HPSE2: variants seen among roughly 807,000 people sequenced by gnomAD.
The protein encoded by HPSE2 is inactive heparanase-2.
Under a neutral mutation model 60.5 loss-of-function variants are expected in HPSE2, and 38 were observed. That is an observed-to-expected ratio of 0.63 (90% CI 0.48 to 0.82). The LOEUF (loss-of-function observed/expected upper bound fraction) is 0.82, where lower values mean the gene tolerates loss of function less well. HPSE2 is among the 40% of genes least tolerant of loss of function. The pLI is 0.00. For missense variants in HPSE2, 713 were observed against 740.4 expected (o/e 0.96, Z 0.43); for synonymous variants, 295 against 293.2 (o/e 1.01, Z -0.06).
Position 99,151,261 on chromosome 10 carries a change from G to A in HPSE2, c.449-6862C>T, listed in dbSNP as rs139637317. 3.2e-4 allele frequency among the ~76,000 whole-genome samples: 48 copies of A among 150,722 alleles called. 1 individual carries two copies. The East Asian group carries it at 4.5e-3, about 14-fold the overall frequency. ...AGCCATGCAAAAAAAAAAAATCAGA[G>A]AACTTAAAGATAGGTGAATAGAAAT... On this transcript the variant is annotated intron_variant, in intron 2 of 11. Transcript: ENST00000370552.
chr10:98,467,841 T>C (rs1293373887), intron 11 of HPSE2, among the ~76,000 whole-genome samples: 1 of 152,246 alleles, frequency 6.6e-6, no homozygotes, highest in East Asian at 1.9e-4. Flanking sequence ...ACCTGGAATG[T>C]GGCCTAATAT....
At chr10:98,744,598 G>C (rs1431086587) in intron 3 of HPSE2, among the ~76,000 whole-genome samples, 1 of 151,926 alleles carries the variant, frequency 6.6e-6, no homozygotes, top group Admixed American at 6.6e-5. Context: ...CCAGACAGAG[G>C]TTGCAAATTG....
At chr10:98,960,160 G>C (rs751690729) in intron 3 of HPSE2, among the ~76,000 whole-genome samples, 3 of 152,086 alleles carry the variant, frequency 2.0e-5, no homozygotes, top group Non-Finnish European at 4.4e-5. Flanking sequence ...TCACATAGGA[G>C]AAAGTTATTC....
chr10:99,305,979 G>GCACA, the HPSE2 span, among the ~76,000 whole-genome samples: 370 of 80,580 alleles, frequency 4.6e-3, 7 homozygotes, highest in East Asian at 0.02. Context: ...GCGCGCGCGC[G>GCACA]CACACACACA....
intron 5 of HPSE2, among the ~76,000 whole-genome samples, chr10:98,709,828 C>T (rs994438962): frequency 3.3e-5 from 5 of 152,126 alleles, no homozygotes; most frequent in Admixed American, 2.6e-4. Flanking sequence ...TACTCATGGT[C>T]TTTGGGGTTT....
At chr10:99,284,386 A>G in the HPSE2 span, among the ~76,000 whole-genome samples, 36 of 152,280 alleles carry the variant, frequency 2.4e-4, no homozygotes, top group African/African-American at 7.2e-4. Context: ...CCTCACAGTG[A>G]TAAAGGCCAT....
At chr10:99,297,363 C>T in the HPSE2 span, among the ~76,000 whole-genome samples, 11 of 152,310 alleles carry the variant, frequency 7.2e-5, no homozygotes, top group Non-Finnish European at 1.3e-4. Context: ...CAGTCAGCGC[C>T]GTTTCCACTC....
At chr10:98,513,391 A>G (rs1446016399) in intron 9 of HPSE2, among the ~76,000 whole-genome samples, 1 of 152,210 alleles carries the variant, frequency 6.6e-6, no homozygotes, top group Non-Finnish European at 1.5e-5. Flanking sequence ...ATTTAACCCA[A>G]TACAATGGGG....
intron 2 of HPSE2, among the ~76,000 whole-genome samples, chr10:99,200,071 A>T (rs966747041): frequency 3.3e-5 from 5 of 152,072 alleles, no homozygotes; most frequent in Non-Finnish European, 5.9e-5. Flanking sequence ...TTTCCTTCTC[A>T]GATAGCTCAA....
chr10:98,972,955 T>C (rs950792903), intron 3 of HPSE2, among the ~76,000 whole-genome samples: 4 of 152,170 alleles, frequency 2.6e-5, no homozygotes, highest in African/African-American at 9.6e-5. Context: ...TGGATACAGA[T>C]GACCAGGTTT....
At chr10:99,002,896 G>A (rs1956807808) in intron 3 of HPSE2, among the ~76,000 whole-genome samples, 1 of 151,870 alleles carries the variant, frequency 6.6e-6, no homozygotes, top group Admixed American at 6.6e-5. Context: ...TTTGTGATGA[G>A]AACACTTAAA....
chr10:98,686,715 T>C (rs1947926167), intron 6 of HPSE2, among the ~76,000 whole-genome samples: 1 of 152,226 alleles, frequency 6.6e-6, no homozygotes, highest in South Asian at 2.1e-4. Flanking sequence ...TGTTATTTAT[T>C]TCCAAATATT....
At chr10:98,795,847 G>C (rs1308632763) in intron 3 of HPSE2, among the ~76,000 whole-genome samples, 1 of 152,136 alleles carries the variant, frequency 6.6e-6, no homozygotes, top group Non-Finnish European at 1.5e-5. Flanking sequence ...AGTCACAGTA[G>C]GAGAGAGCAC....
At chr10:98,808,937 G>T (rs75734188) in intron 3 of HPSE2, among the ~76,000 whole-genome samples, 1 of 152,146 alleles carries the variant, frequency 6.6e-6, no homozygotes, top group Non-Finnish European at 1.5e-5. Flanking sequence ...TCTAATGACT[G>T]GCTTCTATTA....
At chr10:99,208,995 AT>A (rs1360187438) in intron 2 of HPSE2, among the ~76,000 whole-genome samples, 1 of 152,230 alleles carries the variant, frequency 6.6e-6, no homozygotes, top group East Asian at 1.9e-4. Context: ...GCACCTAAAT[AT>A]ATAAAGCAAA....
At chr10:98,582,368 T>C (rs1401719223) in intron 9 of HPSE2, among the ~76,000 whole-genome samples, 1 of 152,224 alleles carries the variant, frequency 6.6e-6, no homozygotes, top group Non-Finnish European at 1.5e-5. Context: ...TTTAATACTA[T>C]AAAAGGAATC....
intron 11 of HPSE2, among the ~76,000 whole-genome samples, chr10:98,482,095 C>T (rs951490084): frequency 2.6e-5 from 4 of 152,140 alleles, no homozygotes; most frequent in Non-Finnish European, 4.4e-5. Flanking sequence ...CAGTGATGTG[C>T]TCAAGTCATA....
intron 10 of HPSE2, among the ~76,000 whole-genome samples, chr10:98,487,683 C>T (rs73335762): frequency 0.014 from 2,157 of 152,316 alleles, 52 homozygotes; most frequent in African/African-American, 0.047. Flanking sequence ...ATACCTTCTC[C>T]CCAATCCCTG....
At chr10:99,260,265 G>A in the HPSE2 span, among the ~76,000 whole-genome samples, 1 of 150,926 alleles carries the variant, frequency 6.6e-6, no homozygotes, top group African/African-American at 2.4e-5. Flanking sequence ...CCCTGTTGCT[G>A]AAATATACAG....
Sources: gnomAD v4.1 joint callset for allele counts (sites outside exome capture counted in the v4.1 genomes callset) on GRCh38, gnomAD v4.1.1 for gene constraint, MANE v1.5 for transcripts, NCBI Gene and HGNC (gene_info 2026-07-23, HGNC 2026-07-21) for gene names.